Variants in CNTNAP2 observed in about 807,000 individuals in gnomAD.
CNTNAP2 encodes contactin associated protein 2.
A neutral mutation model predicts 155.2 loss-of-function variants in CNTNAP2; 98 were observed. The ratio of observed to expected loss-of-function variants is 0.63; its 90% CI spans 0.54 to 0.75. The LOEUF (loss-of-function observed/expected upper bound fraction) is 0.75, where lower values mean the gene tolerates loss of function less well. Ranked by LOEUF, CNTNAP2 falls within the 30% of genes least tolerant of loss-of-function variation. The pLI, the probability that CNTNAP2 is intolerant of heterozygous loss-of-function variation, is 0.00. For missense variants in CNTNAP2, 1,727 were observed against 1,688.1 expected (o/e 1.02, Z -0.40); for synonymous variants, 651 against 631.2 (o/e 1.03, Z -0.47).
chr7:146,654,125 G>A (rs79028281), intron 1 of CNTNAP2, among the ~76,000 whole-genome samples: 6,725 of 152,014 alleles, frequency 0.044, 172 homozygotes, highest in Middle Eastern at 0.092. Context: ...TGTTGCTTGC[G>A]AATGCATGGG....
intron 8 of CNTNAP2, among the ~76,000 whole-genome samples, chr7:147,144,433 G>C (rs1465751703): frequency 1.3e-5 from 2 of 152,118 alleles, no homozygotes; most frequent in Non-Finnish European, 2.9e-5. Context: ...TGACAGAATA[G>C]AGCTAACACA....
At chr7:146,254,757 C>T (rs1401166764) in intron 1 of CNTNAP2, among the ~76,000 whole-genome samples, 1 of 151,742 alleles carries the variant, frequency 6.6e-6, no homozygotes, top group Non-Finnish European at 1.5e-5. Flanking sequence ...ATGGATCCAG[C>T]AAATATTAGT....
At chr7:147,998,564 T>A (rs371057426) in intron 15 of CNTNAP2, among the ~76,000 whole-genome samples, 15 of 152,218 alleles carry the variant, frequency 9.9e-5, no homozygotes, top group East Asian at 5.8e-4. Flanking sequence ...AGGAAACACA[T>A]AAAGGTTAAA....
chr7:148,268,515 C>T (rs967013508), intron 21 of CNTNAP2, among the ~76,000 whole-genome samples: 2 of 151,878 alleles, frequency 1.3e-5, no homozygotes, highest in African/African-American at 2.4e-5. Context: ...ATTAGACGGG[C>T]GTGGTGGTGG....
chr7:147,061,521 C>T (rs12534235), intron 4 of CNTNAP2, among the ~76,000 whole-genome samples: 1,654 of 137,016 alleles, frequency 0.012, 104 homozygotes, highest in Admixed American at 0.097. Context: ...AGGGTCTTAT[C>T]GTGTCATTGT....
At chr7:146,477,939 G>A (rs557540387) in intron 1 of CNTNAP2, among the ~76,000 whole-genome samples, 2 of 152,042 alleles carry the variant, frequency 1.3e-5, no homozygotes, top group Non-Finnish European at 2.9e-5. Context: ...AGCACACACG[G>A]CCCCTCATAA....
chr7:146,550,953 A>T (rs1798112707), intron 1 of CNTNAP2, among the ~76,000 whole-genome samples: 1 of 152,068 alleles, frequency 6.6e-6, no homozygotes, highest in South Asian at 2.1e-4. Context: ...AGCAGGAGGG[A>T]AAAAATAAGA....
rs139213308 is a variant in CNTNAP2 at position 146,730,966 on chromosome 7, G to A, written c.98-43305G>A. Reference sequence around the variant, plus strand: ...TATCCACAGAACACAAACTAGGACCGTGCTAAAATTTCAGGAGCCTAGTGT... The same window carrying A: ...TATCCACAGAACACAAACTAGGACCATGCTAAAATTTCAGGAGCCTAGTGT... On this transcript the variant is annotated intron_variant, in intron 1 of 23. Transcript: ENST00000361727. Among the ~76,000 whole-genome samples, 103 of 152,230 alleles carry A rather than the reference G, an allele frequency of 6.8e-4. No individual in the cohort carries two copies. The East Asian group carries it at 0.017, about 25-fold the overall frequency.
intron 13 of CNTNAP2, among the ~76,000 whole-genome samples, chr7:147,653,502 G>C (rs1795478507): frequency 6.6e-6 from 1 of 152,180 alleles, no homozygotes; most frequent in Non-Finnish European, 1.5e-5. Context: ...TACTCCATTA[G>C]GGTAGGGACT....
intron 4 of CNTNAP2, among the ~76,000 whole-genome samples, chr7:147,061,856 C>T (rs112083581): frequency 0.049 from 7,450 of 151,022 alleles, no homozygotes; most frequent in African/African-American, 0.15. Context: ...GTTCTTTGGC[C>T]GGGCACGGTG....
At chr7:146,721,887 A>ATTTTTTTTTTTTTTTTTTTT (rs1265800742) in intron 1 of CNTNAP2, among the ~76,000 whole-genome samples, 1 of 81,996 alleles carries the variant, frequency 1.2e-5, no homozygotes, top group African/African-American at 2.0e-4. Context: ...ATATATATAT[A>ATTTTTTTTTTTTTTTTTTTT]TATTTTTTTT....
chr7:147,728,105 G>GAA (rs1339103199), intron 13 of CNTNAP2, among the ~76,000 whole-genome samples: 2 of 152,020 alleles, frequency 1.3e-5, no homozygotes, highest in Non-Finnish European at 2.9e-5. Flanking sequence ...AATCCAGTGA[G>GAA]AAAATTGCCA....
intron 11 of CNTNAP2, among the ~76,000 whole-genome samples, 174 bp downstream of exon 11, chr7:147,486,215 T>C (rs934818941): frequency 6.6e-6 from 1 of 152,136 alleles, no homozygotes; most frequent in African/African-American, 2.4e-5. Flanking sequence ...TACACTATTC[T>C]ACTTGTTAAA....
Position 148,418,319 on chromosome 7 carries a change from G to C in CNTNAP2, c.*2703G>C, listed in dbSNP as rs1360384074. ...CATGACATTCCCGCCCAAGCTCTCA[G>C]TGCCTAATCCTGCTTTGTCATTCAC... On this transcript the variant is annotated 3_prime_UTR_variant, in exon 24 of 24. Coordinates refer to ENST00000361727, the MANE Select transcript of CNTNAP2 (RefSeq NM_014141.6). 2 of 152,220 alleles carry C rather than the reference G, an allele frequency of 1.3e-5. No individual in the cohort carries two copies. Among genetic ancestry groups the C allele is most frequent in the African/African-American group, 4.8e-5 (2 of 41,446 alleles). 9.4% of individuals were successfully genotyped at this position (152,220 alleles called of 1,614,324 possible). A position where few individuals can be genotyped will look rare whatever the true frequency, so the allele number is the denominator to read the frequency against.
At chr7:147,832,643 T>A (rs1584980087) in intron 13 of CNTNAP2, among the ~76,000 whole-genome samples, 1 of 146,274 alleles carries the variant, frequency 6.8e-6, no homozygotes, top group East Asian at 2.0e-4. Flanking sequence ...AAGCAATATA[T>A]AAAATTATAT....
chr7:146,469,983 G>T (rs2129126415), intron 1 of CNTNAP2, among the ~76,000 whole-genome samples: 1 of 151,936 alleles, frequency 6.6e-6, no homozygotes, highest in Admixed American at 6.6e-5. Flanking sequence ...GGGACTACAG[G>T]TGCCCACCAC....
chr7:146,748,231 T>G (rs1217510086), intron 1 of CNTNAP2, among the ~76,000 whole-genome samples: 1 of 149,014 alleles, frequency 6.7e-6, no homozygotes, highest in Non-Finnish European at 1.5e-5. Context: ...CTGCAAGCTC[T>G]GCTTCCCGGG....
intron 1 of CNTNAP2, among the ~76,000 whole-genome samples, chr7:146,284,228 G>A (rs1800293546): frequency 6.6e-6 from 1 of 152,146 alleles, no homozygotes; most frequent in South Asian, 2.1e-4. Context: ...ACTCAAAATT[G>A]TATCGTTAGC....
intron 2 of CNTNAP2, among the ~76,000 whole-genome samples, chr7:146,801,587 A>T (rs139764844): frequency 1.3e-5 from 2 of 152,172 alleles, no homozygotes; most frequent in Admixed American, 1.3e-4. Flanking sequence ...ATGCTTTTTA[A>T]TTTGACTAAA....
Sources: gnomAD v4.1 joint callset for allele counts (sites outside exome capture counted in the v4.1 genomes callset) on GRCh38, gnomAD v4.1.1 for gene constraint, MANE v1.5 for transcripts, NCBI Gene and HGNC (gene_info 2026-07-23, HGNC 2026-07-21) for gene names.